Variants in SLC4A10 observed in about 807,000 individuals in gnomAD.
The protein encoded by SLC4A10 is sodium-driven chloride bicarbonate exchanger.
In SLC4A10, 42 loss-of-function variants were observed where a neutral mutation model predicts 137.7. That is an observed-to-expected ratio of 0.30 (90% CI 0.24 to 0.39). The LOEUF is 0.39. Ranked by LOEUF, SLC4A10 falls within the 10% of genes least tolerant of loss-of-function variation. The pLI, the probability that SLC4A10 is intolerant of heterozygous loss-of-function variation, is 1.00. For missense variants in SLC4A10, 925 were observed against 1,355.0 expected, an observed-to-expected ratio of 0.68 and a Z score of 4.98; for synonymous variants, 474 against 464.1, an observed-to-expected ratio of 1.02 and a Z score of -0.27.
chr2:161,916,205 T>C (rs1422772768), intron 15 of SLC4A10, among the ~76,000 whole-genome samples: 1 of 152,244 alleles, frequency 6.6e-6, no homozygotes, highest in African/African-American at 2.4e-5. Flanking sequence ...GTTTGTATTT[T>C]AGTCCATTTA....
chr2:161,753,985 GT>G (rs1303760918), intron 1 of SLC4A10, among the ~76,000 whole-genome samples: 9 of 151,796 alleles, frequency 5.9e-5, no homozygotes, highest in African/African-American at 1.2e-4. Flanking sequence ...TGCCTCCTGG[GT>G]TCAAGTGATT....
At chr2:161,734,635 A>T (rs1391035698) in intron 1 of SLC4A10, among the ~76,000 whole-genome samples, 2 of 152,166 alleles carry the variant, frequency 1.3e-5, no homozygotes, top group Non-Finnish European at 2.9e-5. Context: ...TCTTAAAGTA[A>T]CTTTTAAACG....
At chr2:161,793,228 T>G (rs2054393575) in intron 2 of SLC4A10, among the ~76,000 whole-genome samples, 1 of 152,182 alleles carries the variant, frequency 6.6e-6, no homozygotes, top group Admixed American at 6.5e-5. Context: ...TATATATCTA[T>G]GCACTGTAGA....
At chr2:161,650,385 G>T (rs1466867948) in intron 1 of SLC4A10, among the ~76,000 whole-genome samples, 1 of 152,262 alleles carries the variant, frequency 6.6e-6, no homozygotes, top group Non-Finnish European at 1.5e-5. Context: ...TGGAGAAGCT[G>T]CTGCAGGAAC....
At chr2:161,707,717 C>T (rs1302618807) in intron 1 of SLC4A10, among the ~76,000 whole-genome samples, 1 of 151,318 alleles carries the variant, frequency 6.6e-6, no homozygotes, top group Non-Finnish European at 1.5e-5. Flanking sequence ...TAGACTTAAC[C>T]GTGCAGTTTT....
intron 3 of SLC4A10, among the ~76,000 whole-genome samples, chr2:161,818,938 C>CT (rs1455391598): frequency 6.6e-6 from 1 of 152,056 alleles, no homozygotes; most frequent in African/African-American, 2.4e-5. Flanking sequence ...CTAAAATTCT[C>CT]TTTTTTTGTT....
chr2:161,856,608 C>T (rs1273825075), intron 5 of SLC4A10, among the ~76,000 whole-genome samples: 2 of 152,072 alleles, frequency 1.3e-5, no homozygotes, highest in Admixed American at 6.6e-5. Flanking sequence ...TAAGCAAACT[C>T]CCTAAGAATG....
chr2:161,905,297 T>G (rs1684091149), intron 14 of SLC4A10, among the ~76,000 whole-genome samples: 1 of 152,156 alleles, frequency 6.6e-6, no homozygotes, highest in Non-Finnish European at 1.5e-5. Flanking sequence ...AGGCATTAGA[T>G]TCTCATAAGG....
intron 1 of SLC4A10, among the ~76,000 whole-genome samples, chr2:161,747,077 G>T (rs1424809128): frequency 6.6e-6 from 1 of 152,038 alleles, no homozygotes; most frequent in Middle Eastern, 3.2e-3. Flanking sequence ...GTCTCAGTGG[G>T]TTACATGCAC....
intron 6 of SLC4A10, among the ~76,000 whole-genome samples, chr2:161,865,689 C>T (rs2060697276): frequency 1.3e-5 from 2 of 151,610 alleles, no homozygotes; most frequent in Non-Finnish European, 2.9e-5. Flanking sequence ...AATCTCCTAC[C>T]CAAAAGTGAA....
intron 3 of SLC4A10, among the ~76,000 whole-genome samples, chr2:161,837,184 A>G (rs1230230978): frequency 6.6e-6 from 1 of 152,236 alleles, no homozygotes; most frequent in Non-Finnish European, 1.5e-5. Context: ...ATTCACATAT[A>G]TATGATCTCT....
At chr2:161,978,484 G>C (rs1699759236) in intron 26 of SLC4A10, among the ~76,000 whole-genome samples, 1 of 152,010 alleles carries the variant, frequency 6.6e-6, no homozygotes, top group Non-Finnish European at 1.5e-5. Context: ...CCTCCAGACT[G>C]GCAAGCCGTA....
intron 1 of SLC4A10, among the ~76,000 whole-genome samples, chr2:161,758,088 TA>T (rs1160010489): frequency 3.3e-5 from 5 of 152,100 alleles, no homozygotes; most frequent in South Asian, 2.1e-4. Context: ...AAATTTGAGA[TA>T]TTTTTAGTAT....
At chr2:161,790,165 G>T (rs930529939) in intron 2 of SLC4A10, among the ~76,000 whole-genome samples, 1 of 152,122 alleles carries the variant, frequency 6.6e-6, no homozygotes, top group South Asian at 2.1e-4. Flanking sequence ...TAAAGAATTT[G>T]ATATTTAGTA....
intron 3 of SLC4A10, among the ~76,000 whole-genome samples, chr2:161,820,672 G>A (rs1174245566): frequency 2.0e-5 from 3 of 152,070 alleles, no homozygotes; most frequent in Non-Finnish European, 4.4e-5. Flanking sequence ...CTATATGCAC[G>A]GTATGTATGC....
intron 16 of SLC4A10, among the ~76,000 whole-genome samples, chr2:161,946,286 A>G (rs78252466): frequency 0.022 from 3,290 of 152,102 alleles, 134 homozygotes; most frequent in African/African-American, 0.076. Context: ...TATTAACTAT[A>G]TTTCTCAAGA....
Position 161,682,814 on chromosome 2 carries a change from G to A in SLC4A10, c.48+58248G>A, listed in dbSNP as rs180902572. On this transcript the variant is annotated intron_variant, in intron 1 of 26. Transcript: ENST00000446997. The stretch of plus-strand genomic sequence containing the variant: ...CTCTCCACATGGTGTCTCCTGTAGG[G>A]TGGACAGATCTTTTACATGGCAGTT... Among the ~76,000 whole-genome samples, 72 of 152,154 alleles carry A rather than the reference G, an allele frequency of 4.7e-4. 2 individuals are homozygous for A. Among genetic ancestry groups the A allele is most frequent in the Admixed American group, 4.7e-3 (72 of 15,260 alleles).
intron 1 of SLC4A10, among the ~76,000 whole-genome samples, chr2:161,641,356 T>C (rs1357688005): frequency 6.6e-6 from 1 of 152,118 alleles, no homozygotes; most frequent in African/African-American, 2.4e-5. Context: ...AAAGTCATAA[T>C]ATATGACAAA....
At chr2:161,746,176 A>C (rs963095961) in intron 1 of SLC4A10, among the ~76,000 whole-genome samples, 7 of 152,084 alleles carry the variant, frequency 4.6e-5, no homozygotes, top group African/African-American at 1.7e-4. Flanking sequence ...TCAGTGCAGC[A>C]TGTTCCCTTC....
Sources: allele counts gnomAD v4.1 joint callset (sites outside exome capture counted in the v4.1 genomes callset), GRCh38; gene constraint gnomAD v4.1.1; transcripts MANE v1.5; gene names NCBI Gene and HGNC (gene_info 2026-07-23, HGNC 2026-07-21).